GNAO1: variants seen among roughly 807,000 people sequenced by gnomAD.
GNAO1 encodes guanine nucleotide-binding protein G(o) subunit alpha.
For synonymous variants in GNAO1, 164 were observed against 180.7 expected (o/e 0.91, Z 0.74); for missense variants, 166 against 478.7 (o/e 0.35, Z 6.10).
rs117531690 is a variant in GNAO1 at position 56,313,289 on chromosome 16, C to T, written c.304-15342C>T. Among the ~76,000 whole-genome samples, 1,190 of 151,798 alleles carry T rather than the reference C, an allele frequency of 7.8e-3. 8 individuals carry two copies. The highest frequency in any genetic ancestry group is 0.01 in the Non-Finnish European group (712 of 67,980). ...ATACTCCTAAAAATTATCAAGGACCCCAGTAAGCATTTTGTTTATGTAGGT... is the reference window on the plus strand; with the variant it reads ...ATACTCCTAAAAATTATCAAGGACCTCAGTAAGCATTTTGTTTATGTAGGT... On this transcript the variant is annotated intron_variant, in intron 3 of 8. Coordinates refer to ENST00000262493, the MANE Select transcript of GNAO1 (RefSeq NM_020988.3).
At chr16:56,257,462 A>C (rs191097964) in intron 2 of GNAO1, among the ~76,000 whole-genome samples, 55 of 152,250 alleles carry the variant, frequency 3.6e-4, no homozygotes, top group African/African-American at 1.2e-3. Flanking sequence ...CGTGTGTCTG[A>C]CCAAGCAGCC....
In GNAO1 at chr16:56,294,446, T is replaced by A. The variant is rs564596994; in HGVS notation, c.303+18374T>A. The stretch of plus-strand genomic sequence containing the variant: ...CTCTGGATTCTTTCTGCTGCCTCTC[T>A]TGTCACACTTCTTTATGACCAAGCT... On this transcript the variant is annotated intron_variant, in intron 3 of 8. Coordinates refer to ENST00000262493, the MANE Select transcript of GNAO1 (RefSeq NM_020988.3). 5.9e-5 allele frequency among the ~76,000 whole-genome samples: 9 copies of A among 152,128 alleles called. No individual in the cohort carries two copies. The East Asian group carries it at 1.5e-3, about 26-fold the overall frequency.
At chr16:56,223,903 G>A (rs1207209840) in intron 2 of GNAO1, among the ~76,000 whole-genome samples, 2 of 152,236 alleles carry the variant, frequency 1.3e-5, no homozygotes, top group Non-Finnish European at 2.9e-5. Context: ...AAGATGTTCA[G>A]TAAATGGATG....
At chr16:56,347,978 G>A (rs527518817) in intron 6 of GNAO1, 2 of 979,308 alleles carry the variant, frequency 2.0e-6, no homozygotes, top group East Asian at 2.3e-4. Context: ...TCTAGGCGAG[G>A]TGGGCTCGGG....
At chr16:56,257,823 G>C (rs560652338) in intron 2 of GNAO1, among the ~76,000 whole-genome samples, 1 of 152,220 alleles carries the variant, frequency 6.6e-6, no homozygotes, top group Non-Finnish European at 1.5e-5. Context: ...AGGGCCAGCA[G>C]GCTGGTAGAC....
chr16:56,347,603 G>A (rs2037883840), intron 6 of GNAO1: 2 of 982,834 alleles, frequency 2.0e-6, no homozygotes, highest in Non-Finnish European at 2.4e-6. Context: ...CCAAACTCCT[G>A]GATCCCCTCC....
At chr16:56,224,046 G>T (rs1304327397) in intron 2 of GNAO1, among the ~76,000 whole-genome samples, 1 of 152,222 alleles carries the variant, frequency 6.6e-6, no homozygotes, top group Admixed American at 6.5e-5. Flanking sequence ...CTGAGGCTCA[G>T]TGGGGAAGCG....
intron 3 of GNAO1, among the ~76,000 whole-genome samples, chr16:56,318,461 G>T (rs71387115): frequency 1.4e-4 from 22 of 152,108 alleles, no homozygotes; most frequent in African/African-American, 5.3e-4. Flanking sequence ...TCCAGCTCAC[G>T]CTCCCTCTCC....
chr16:56,284,698 C>T (rs78087995), intron 3 of GNAO1, among the ~76,000 whole-genome samples: 5,922 of 152,204 alleles, frequency 0.039, 151 homozygotes, highest in South Asian at 0.074. Context: ...TCTGGAAGAA[C>T]AGGTCAGTCT....
intron 2 of GNAO1, among the ~76,000 whole-genome samples, chr16:56,267,704 T>C (rs541420608): frequency 5.3e-5 from 8 of 152,246 alleles, no homozygotes; most frequent in Non-Finnish European, 1.0e-4. Context: ...ATAGAACCAT[T>C]TGTGACATTA....
chr16:56,335,514 G>A (rs555652801), intron 5 of GNAO1, among the ~76,000 whole-genome samples: 1 of 152,208 alleles, frequency 6.6e-6, no homozygotes, highest in Non-Finnish European at 1.5e-5. Flanking sequence ...GCAGAGAAGG[G>A]GAGGGCAGGG....
chr16:56,330,080 G>A (rs1006788597), intron 4 of GNAO1, among the ~76,000 whole-genome samples: 2 of 152,222 alleles, frequency 1.3e-5, no homozygotes, highest in Admixed American at 6.5e-5. Flanking sequence ...GAGCAAGGCC[G>A]GGAGCGGCTT....
chr16:56,316,160 T>C (rs1255830184), intron 3 of GNAO1, among the ~76,000 whole-genome samples: 1 of 151,956 alleles, frequency 6.6e-6, no homozygotes, highest in African/African-American at 2.4e-5. Context: ...ATGCCCACTC[T>C]ACACAGATGC....
At position 56,276,053 on chromosome 16, in the gene GNAO1, A is replaced by G. The variant is rs1341492901; in HGVS notation, c.284A>G (p.Tyr95Cys). The change falls in exon 3 of 9, where the codon TAT becomes TGT. Residue 95 changes from tyrosine (Y) to cysteine (C), a missense_variant. Transcript: ENST00000262493. Reference sequence around the variant, plus strand: ...GCCATGGACACTTTGGGCATCGAATATGGTGATAAGGAGAGAAAGGTAGGC... The same window carrying G: ...GCCATGGACACTTTGGGCATCGAATGTGGTGATAAGGAGAGAAAGGTAGGC... ...VRAMDTLGIEYGDKERKADAK... is the reference protein window; with the variant it reads ...VRAMDTLGIECGDKERKADAK... The G allele has an allele frequency of 1.2e-6, 2 of 1,613,872 alleles. No individual in the cohort carries two copies. The highest frequency in any genetic ancestry group is 1.1e-5 in the South Asian group (1 of 91,034).
intron 6 of GNAO1, chr16:56,345,589 G>T (rs967527077): frequency 1.2e-4 from 123 of 985,518 alleles, no homozygotes; most frequent in Admixed American, 2.5e-4. Flanking sequence ...CAGCCGGACT[G>T]CAGGAGCCAC....
chr16:56,199,888 A>G (rs1040413742), intron 2 of GNAO1, among the ~76,000 whole-genome samples: 1 of 152,214 alleles, frequency 6.6e-6, no homozygotes, highest in Non-Finnish European at 1.5e-5. Context: ...AGTAAAATAA[A>G]ATCTTGCAAG....
chr16:56,277,526 C>T (rs1287217580), intron 3 of GNAO1, among the ~76,000 whole-genome samples: 3 of 152,136 alleles, frequency 2.0e-5, no homozygotes, highest in Non-Finnish European at 4.4e-5. Flanking sequence ...TTCTTAATAA[C>T]AATAGTAGGA....
At chr16:56,325,024 T>C (rs1268271212) in intron 3 of GNAO1, among the ~76,000 whole-genome samples, 3 of 152,244 alleles carry the variant, frequency 2.0e-5, no homozygotes, top group Non-Finnish European at 2.9e-5. Flanking sequence ...CTCATTTTCT[T>C]TGTGTCTCTC....
intron 3 of GNAO1, among the ~76,000 whole-genome samples, chr16:56,284,129 A>G (rs2037141128): frequency 6.6e-6 from 1 of 152,240 alleles, no homozygotes; most frequent in African/African-American, 2.4e-5. Flanking sequence ...ATTACTTATT[A>G]CTTACAAATG....
Sources: gnomAD v4.1 joint callset for allele counts (sites outside exome capture counted in the v4.1 genomes callset) on GRCh38, gnomAD v4.1.1 for gene constraint, MANE v1.5 for transcripts, NCBI Gene and HGNC (gene_info 2026-07-23, HGNC 2026-07-21) for gene names.